The following FSTL5 variants were observed in gnomAD, a reference collection of about 807,000 sequenced individuals.
The protein encoded by FSTL5 is follistatin like 5.
FSTL5 carries 62 observed loss-of-function variants against 89.1 expected under a neutral mutation model. That is an observed-to-expected ratio of 0.70 (90% CI 0.57 to 0.86). FSTL5 has a LOEUF of 0.86. Among genes scored for constraint, FSTL5 ranks in the 40% least tolerant of loss-of-function variants. The probability of loss-of-function intolerance (pLI) is 0.00; values close to 1 mark genes in which losing one functional copy is unlikely to be tolerated. For missense variants in FSTL5, 1,057 were observed against 1,001.6 expected (o/e 1.06, Z -0.75); for synonymous variants, 383 against 346.2 (o/e 1.11, Z -1.18).
chr4:161,676,798 A>G (rs1034039752), intron 6 of FSTL5, among the ~76,000 whole-genome samples: 1 of 151,740 alleles, frequency 6.6e-6, no homozygotes, highest in Non-Finnish European at 1.5e-5. Context: ...TACAAAAATA[A>G]TTGCTTTCCT....
chr4:161,491,975 T>G (rs1729894246), intron 12 of FSTL5, among the ~76,000 whole-genome samples: 1 of 152,204 alleles, frequency 6.6e-6, no homozygotes, highest in Non-Finnish European at 1.5e-5. Flanking sequence ...TTATGTTACA[T>G]TTTCTTTAAA....
intron 6 of FSTL5, among the ~76,000 whole-genome samples, chr4:161,680,854 T>A (rs997683708): frequency 2.6e-5 from 4 of 151,988 alleles, no homozygotes; most frequent in African/African-American, 7.2e-5. Context: ...ATATGGCACA[T>A]TAAAAGACTG....
chr4:162,080,124 T>C (rs1461237049), intron 2 of FSTL5, among the ~76,000 whole-genome samples: 1 of 151,774 alleles, frequency 6.6e-6, no homozygotes, highest in South Asian at 2.1e-4. Flanking sequence ...GTCTATCACA[T>C]ACTGAGCAAC....
intron 2 of FSTL5, among the ~76,000 whole-genome samples, chr4:162,076,020 C>A (rs1457863313): frequency 1.3e-5 from 2 of 151,870 alleles, no homozygotes; most frequent in Non-Finnish European, 2.9e-5. Flanking sequence ...GAATCCAAAT[C>A]TCTTTCTTAG....
At chr4:162,144,909 G>A (rs1732909614) in intron 1 of FSTL5, among the ~76,000 whole-genome samples, 2 of 150,132 alleles carry the variant, frequency 1.3e-5, no homozygotes, top group South Asian at 4.2e-4. Context: ...GGTAAATTAA[G>A]AAGTGAGACT....
intron 5 of FSTL5, 128 bp from the exon 6 acceptor site, chr4:161,759,659 G>T: frequency 2.0e-6 from 1 of 503,072 alleles, no homozygotes; most frequent in Non-Finnish European, 3.1e-6. Flanking sequence ...ACTCAATTTT[G>T]GAAAAATCCA....
intron 2 of FSTL5, among the ~76,000 whole-genome samples, chr4:162,045,919 A>T (rs922413152): frequency 3.3e-5 from 5 of 151,310 alleles, no homozygotes; most frequent in Non-Finnish European, 7.4e-5. Flanking sequence ...TTAATTTTAC[A>T]ATATTTTACG....
intron 2 of FSTL5, among the ~76,000 whole-genome samples, chr4:162,102,946 C>T (rs1052596063): frequency 7.9e-5 from 12 of 151,772 alleles, no homozygotes; most frequent in African/African-American, 2.9e-4. Flanking sequence ...CCAAGGAAAG[C>T]AGCTCTATTT....
intron 5 of FSTL5, among the ~76,000 whole-genome samples, chr4:161,764,811 T>C (rs1345195759): frequency 1.3e-5 from 2 of 152,168 alleles, no homozygotes; most frequent in Admixed American, 6.6e-5. Context: ...ATCTTGACCA[T>C]CTAAAGTAAA....
At chr4:161,912,828 G>T (rs1733734308) in intron 4 of FSTL5, among the ~76,000 whole-genome samples, 1 of 152,154 alleles carries the variant, frequency 6.6e-6, no homozygotes, top group African/African-American at 2.4e-5. Flanking sequence ...GAATGGCTTG[G>T]ACAAAAATGG....
chr4:161,725,422 T>C (rs1739363594), intron 6 of FSTL5, among the ~76,000 whole-genome samples: 1 of 151,738 alleles, frequency 6.6e-6, no homozygotes, highest in Admixed American at 6.6e-5. Flanking sequence ...ATACTGTCAA[T>C]TTTTTAAAAT....
At position 161,736,808 on chromosome 4, in the gene FSTL5, G is replaced by A. The variant is rs530667798; in HGVS notation, c.727+22603C>T. Among the ~76,000 whole-genome samples, 4 of 152,158 alleles carry A rather than the reference G, an allele frequency of 2.6e-5. No homozygotes were observed. In the East Asian group the frequency reaches 5.8e-4, roughly 22 times the overall value. ...ACTTGCAGAAGATGTCTGTGGATACGTGATCCTGTTTGTCTATCTAGGGTG... is the reference window on the plus strand; with the variant it reads ...ACTTGCAGAAGATGTCTGTGGATACATGATCCTGTTTGTCTATCTAGGGTG... On this transcript the variant is annotated intron_variant, in intron 6 of 15. Coordinates refer to ENST00000306100, the MANE Select transcript of FSTL5 (RefSeq NM_020116.5).
chr4:162,066,973 G>T (rs977932354), intron 2 of FSTL5, among the ~76,000 whole-genome samples: 4 of 151,262 alleles, frequency 2.6e-5, no homozygotes, highest in African/African-American at 7.3e-5. Flanking sequence ...GGGTCAAATG[G>T]TATTAGTTCT....
intron 1 of FSTL5, among the ~76,000 whole-genome samples, chr4:162,113,516 C>A (rs1446667868): frequency 6.6e-6 from 1 of 152,120 alleles, no homozygotes; most frequent in Non-Finnish European, 1.5e-5. Flanking sequence ...TGTTATTGCA[C>A]TCATTAATAA....
intron 7 of FSTL5, among the ~76,000 whole-genome samples, chr4:161,612,875 T>A (rs1484505735): frequency 6.6e-6 from 1 of 152,200 alleles, no homozygotes; most frequent in African/African-American, 2.4e-5. Flanking sequence ...GATTGAATGA[T>A]TTAATTTGCA....
intron 10 of FSTL5, among the ~76,000 whole-genome samples, chr4:161,519,500 T>C (rs2126513446): frequency 6.6e-6 from 1 of 152,220 alleles, no homozygotes; most frequent in South Asian, 2.1e-4. Context: ...CACTCCAGCC[T>C]GGGCGACAGA....
intron 4 of FSTL5, among the ~76,000 whole-genome samples, chr4:161,842,825 A>G (rs1040181395): frequency 1.3e-5 from 2 of 152,164 alleles, no homozygotes; most frequent in African/African-American, 4.8e-5. Context: ...TTTATAAGAC[A>G]TGACAATCCT....
intron 4 of FSTL5, among the ~76,000 whole-genome samples, chr4:161,873,313 G>A (rs557358396): frequency 6.6e-6 from 1 of 152,124 alleles, no homozygotes; most frequent in East Asian, 1.9e-4. Context: ...ATGAATAACA[G>A]TAGTAAATAT....
chr4:161,764,264 G>T (rs1005460691), intron 5 of FSTL5, among the ~76,000 whole-genome samples: 1 of 152,076 alleles, frequency 6.6e-6, no homozygotes, highest in African/African-American at 2.4e-5. Context: ...TATTTTTGTT[G>T]TTATTGTTTT....
Sources: gnomAD v4.1 joint callset for allele counts (sites outside exome capture counted in the v4.1 genomes callset) on GRCh38, gnomAD v4.1.1 for gene constraint, MANE v1.5 for transcripts, NCBI Gene and HGNC (gene_info 2026-07-23, HGNC 2026-07-21) for gene names.